TLR6: variants seen among roughly 807,000 people sequenced by gnomAD.
The protein encoded by TLR6 is toll-like receptor 6.
TLR6 carries 9 observed loss-of-function variants against 16.1 expected under a neutral mutation model. That is an observed-to-expected ratio of 0.56 (90% CI 0.34 to 0.98). TLR6 has a LOEUF of 0.98. Ranked by LOEUF, TLR6 falls within the 50% of genes least tolerant of loss-of-function variation. TLR6 has a pLI of 0.02. For synonymous variants in TLR6, 340 were observed against 338.6 expected (o/e 1.00, Z -0.04); for missense variants, 786 against 921.0 (o/e 0.85, Z 1.90).
the TLR6 span, among the ~76,000 whole-genome samples, chr4:38,866,062 C>A: frequency 6.6e-6 from 1 of 151,182 alleles, no homozygotes; most frequent in Non-Finnish European, 1.5e-5. Context: ...TCGCTTGAAC[C>A]CAGGAGATGG....
At chr4:38,829,780 G>A (rs1321094664) in intron 1 of TLR6, among the ~76,000 whole-genome samples, 1 of 152,156 alleles carries the variant, frequency 6.6e-6, no homozygotes, top group Non-Finnish European at 1.5e-5. Flanking sequence ...GCTGCCTGAG[G>A]GATTCACACT....
the TLR6 span, among the ~76,000 whole-genome samples, chr4:38,864,976 C>T: frequency 6.6e-6 from 1 of 152,192 alleles, no homozygotes; most frequent in Admixed American, 6.5e-5. Context: ...CACCACTGCA[C>T]TCCAGCCTAG....
intron 1 of TLR6, among the ~76,000 whole-genome samples, chr4:38,836,280 GA>G (rs1711911212): frequency 6.6e-6 from 1 of 151,798 alleles, no homozygotes; most frequent in South Asian, 2.1e-4. Context: ...AATAAAATCA[GA>G]AATAAAAAAG....
chr4:38,848,520 A>G (rs1712632750), intron 1 of TLR6, among the ~76,000 whole-genome samples: 1 of 152,258 alleles, frequency 6.6e-6, no homozygotes. Context: ...CAAAGAAGCT[A>G]AAAACCTTGA....
chr4:38,867,669 G>C, the TLR6 span: 2 of 151,562 alleles, frequency 1.3e-5, no homozygotes. Flanking sequence ...CCCTCGCAGC[G>C]TGGGGGTGGC....
intron 1 of TLR6, among the ~76,000 whole-genome samples, chr4:38,839,550 A>G (rs76306341): frequency 6.6e-6 from 1 of 152,350 alleles, no homozygotes; most frequent in African/African-American, 2.4e-5. Context: ...AGTTTATACC[A>G]GTATCCAGTT....
exon 2 of TLR6, chr4:38,826,194 C>T (rs1218495231): frequency 6.6e-6 from 1 of 152,294 alleles, no homozygotes; most frequent in African/African-American, 2.4e-5. Flanking sequence ...AAAGCAATCT[C>T]CCTATGGCCT....
At chr4:38,852,112 A>T (rs1712795316) in intron 1 of TLR6, among the ~76,000 whole-genome samples, 1 of 152,234 alleles carries the variant, frequency 6.6e-6, no homozygotes, top group Admixed American at 6.5e-5. Flanking sequence ...CAAGCCTGAC[A>T]AAAACAAGAA....
exon 2 of TLR6, chr4:38,826,015 CGG>C (rs200462517): frequency 0.62 from 93,396 of 151,794 alleles, 30,004 homozygotes; most frequent in African/African-American, 0.8. Flanking sequence ...TGCCCACCCT[CGG>C]ACTCCAGCAA....
At chr4:38,822,939 G>A (rs546424935), downstream of TLR6, among the ~76,000 whole-genome samples, 3 of 152,338 alleles carry the variant, frequency 2.0e-5, no homozygotes, top group South Asian at 6.2e-4. Context: ...GTTCCACAGA[G>A]CTGGGGAAGC....
chr4:38,826,927 G>C, exon 2 of TLR6: 1 of 639,608 alleles, frequency 1.6e-6, no homozygotes. Context: ...TAACCTCACC[G>C]CCTAGCTCAG....
chr4:38,832,063 C>T (rs1711629487), intron 1 of TLR6, among the ~76,000 whole-genome samples: 1 of 152,146 alleles, frequency 6.6e-6, no homozygotes, highest in Non-Finnish European at 1.5e-5. Flanking sequence ...TTTATAGAAG[C>T]TTTATTCATA....
chr4:38,851,583 T>C (rs370350770), intron 1 of TLR6, among the ~76,000 whole-genome samples: 1 of 152,318 alleles, frequency 6.6e-6, no homozygotes, highest in South Asian at 2.1e-4. Context: ...AGCATTCTTA[T>C]ACATCAATAA....
chr4:38,844,731 T>C (rs992285201), intron 1 of TLR6, among the ~76,000 whole-genome samples: 1 of 152,206 alleles, frequency 6.6e-6, no homozygotes, highest in East Asian at 1.9e-4. Context: ...TTTCTGACTA[T>C]AAAAGGAACT....
chr4:38,857,655 TA>T (rs36056700), upstream of TLR6, among the ~76,000 whole-genome samples: 5 of 147,598 alleles, frequency 3.4e-5, no homozygotes, highest in East Asian at 2.0e-4. Context: ...TCATCTTTAT[TA>T]AAAAAAAAAC....
intron 1 of TLR6, among the ~76,000 whole-genome samples, chr4:38,834,136 G>A (rs1367068952): frequency 6.6e-6 from 1 of 151,430 alleles, no homozygotes; most frequent in Non-Finnish European, 1.5e-5. Context: ...TACTTGCGAG[G>A]CTGAGGCATG....
At chr4:38,852,708 G>A (rs924772564) in intron 1 of TLR6, among the ~76,000 whole-genome samples, 16 of 151,058 alleles carry the variant, frequency 1.1e-4, no homozygotes, top group East Asian at 4.0e-4. Flanking sequence ...TTAGAATGGC[G>A]ATCATTAAAA....
intron 1 of TLR6, among the ~76,000 whole-genome samples, chr4:38,851,050 T>A (rs550717638): frequency 1.1e-4 from 17 of 152,264 alleles, no homozygotes; most frequent in Admixed American, 1.0e-3. Context: ...GTGGGCTTCA[T>A]CCCTGGGATG....
At chr4:38,837,079 A>G (rs1157084577) in intron 1 of TLR6, among the ~76,000 whole-genome samples, 1 of 152,186 alleles carries the variant, frequency 6.6e-6, no homozygotes, top group Non-Finnish European at 1.5e-5. Context: ...CTGATGAAAG[A>G]AATTGAGAAC....
Sources: gnomAD v4.1 joint callset for allele counts (sites outside exome capture counted in the v4.1 genomes callset) on GRCh38, gnomAD v4.1.1 for gene constraint, MANE v1.5 for transcripts, NCBI Gene and HGNC (gene_info 2026-07-23, HGNC 2026-07-21) for gene names.